GDPD1: variants seen among roughly 807,000 people sequenced by gnomAD.
GDPD1 encodes glycerophosphodiester phosphodiesterase domain containing 1.
In GDPD1, 28 loss-of-function variants were observed where a neutral mutation model predicts 45.1. The observed-to-expected ratio is 0.62, with a 90% CI of 0.46 to 0.85. GDPD1 has a LOEUF of 0.85. Ranked by LOEUF, GDPD1 falls within the 40% of genes least tolerant of loss-of-function variation. The pLI is 0.00. For missense variants in GDPD1, 256 were observed against 364.8 expected (o/e 0.70, Z 2.43); for synonymous variants, 139 against 131.4 (o/e 1.06, Z -0.40).
intron 2 of GDPD1, among the ~76,000 whole-genome samples, chr17:59,238,133 T>A: frequency 6.6e-6 from 1 of 151,524 alleles, no homozygotes; most frequent in Non-Finnish European, 1.5e-5. Flanking sequence ...CTGGGCATGG[T>A]AGCGCATGCC....
At chr17:59,223,811 C>G (rs190868078) in intron 1 of GDPD1, among the ~76,000 whole-genome samples, 1 of 152,154 alleles carries the variant, frequency 6.6e-6, no homozygotes, top group South Asian at 2.1e-4. Context: ...TTCAAGAGGC[C>G]GAGGCAGGAG....
intron 9 of GDPD1, chr17:59,273,039 T>A: frequency 9.1e-7 from 1 of 1,104,440 alleles, no homozygotes; most frequent in Non-Finnish European, 1.2e-6. Flanking sequence ...TCCTCTTATG[T>A]ACAGAATAGC....
chr17:59,230,754 AC>A (rs1380301856), intron 1 of GDPD1, among the ~76,000 whole-genome samples: 3 of 152,178 alleles, frequency 2.0e-5, no homozygotes, highest in African/African-American at 7.2e-5. Context: ...TCTGCTGGTC[AC>A]GAAGCAGCAA....
intron 9 of GDPD1, 73 bp downstream of exon 9, chr17:59,272,909 C>G: frequency 6.2e-7 from 1 of 1,612,052 alleles, no homozygotes; most frequent in Non-Finnish European, 8.5e-7. Flanking sequence ...AGGGCAAGAA[C>G]TTTTAACTGA....
chr17:59,231,324 C>CTT (rs557850341), intron 1 of GDPD1, among the ~76,000 whole-genome samples: 3,305 of 114,360 alleles, frequency 0.029, 262 homozygotes, highest in African/African-American at 0.099. Flanking sequence ...TTCTTTCTTT[C>CTT]TTTTTTTTTT....
chr17:59,270,638 C>T (rs1033309918), intron 7 of GDPD1, among the ~76,000 whole-genome samples: 4 of 152,008 alleles, frequency 2.6e-5, no homozygotes, highest in Non-Finnish European at 5.9e-5. Flanking sequence ...AAAAAAGAAA[C>T]GAGATATGAG....
At chr17:59,225,247 C>A (rs770413715) in intron 1 of GDPD1, among the ~76,000 whole-genome samples, 1 of 151,466 alleles carries the variant, frequency 6.6e-6, no homozygotes, top group Admixed American at 6.6e-5. Flanking sequence ...GGTGCCACCA[C>A]GCCCAGCTAA....
At position 59,267,308 on chromosome 17, in the gene GDPD1, A is replaced by G. The variant is rs2047406419; in HGVS notation, c.710+134A>G. Reference sequence around the variant, plus strand: ...TTCCATGTTCTATTACCTGACCTATATTATGCATTTTTATATAATTAAGAC... The same window carrying G: ...TTCCATGTTCTATTACCTGACCTATGTTATGCATTTTTATATAATTAAGAC... On this transcript the variant is annotated intron_variant, in intron 7 of 9. Transcript: ENST00000284116. 5.5e-6 allele frequency: 4 copies of G among 727,908 alleles called. No individual in the cohort carries two copies. The Admixed American group carries it at 9.0e-5, about 16-fold the overall frequency. 45.1% of individuals were successfully genotyped at this position (727,908 alleles called of 1,614,324 possible). A position where few individuals can be genotyped will look rare whatever the true frequency, so the allele number is the denominator to read the frequency against.
chr17:59,268,373 G>C lies in GDPD1; in HGVS notation c.710+1199G>C, dbSNP rs368737977. On this transcript the variant is annotated intron_variant, in intron 7 of 9. Coordinates refer to ENST00000284116, the MANE Select transcript of GDPD1 (RefSeq NM_182569.4). ...GGGTGGATCACGAGGTCAGGAGATC[G>C]AGACCATCCTGGCTAACACGGTGAA... Among the ~76,000 whole-genome samples, 16 of 151,584 alleles carry C rather than the reference G, an allele frequency of 1.1e-4. 1 individual carries two copies. The South Asian group carries it at 2.3e-3, about 22-fold the overall frequency.
chr17:59,239,210 G>A (rs944269242), intron 2 of GDPD1, among the ~76,000 whole-genome samples: 4 of 152,154 alleles, frequency 2.6e-5, no homozygotes, highest in African/African-American at 9.7e-5. Context: ...TATGAAATGG[G>A]AATAGTGATA....
intron 6 of GDPD1, among the ~76,000 whole-genome samples, chr17:59,264,357 G>A (rs1024176678): frequency 1.3e-5 from 2 of 150,438 alleles, no homozygotes; most frequent in Non-Finnish European, 3.0e-5. Context: ...GCAGTGGCAC[G>A]ATCTCAGCTC....
At chr17:59,239,822 C>G (rs1421846358) in intron 2 of GDPD1, among the ~76,000 whole-genome samples, 2 of 150,878 alleles carry the variant, frequency 1.3e-5, no homozygotes, top group Admixed American at 1.3e-4. Context: ...TAACCTCCCC[C>G]TCTCCAGCTC....
intron 6 of GDPD1, among the ~76,000 whole-genome samples, chr17:59,264,029 C>T (rs537656220): frequency 2.6e-5 from 4 of 151,986 alleles, no homozygotes; most frequent in African/African-American, 4.8e-5. Context: ...GACAGAATGT[C>T]GCTCTGTCAC....
At chr17:59,231,111 G>T (rs1314255115) in intron 1 of GDPD1, among the ~76,000 whole-genome samples, 4 of 152,120 alleles carry the variant, frequency 2.6e-5, no homozygotes, top group African/African-American at 9.7e-5. Context: ...TTTTGTACCA[G>T]CGGCTCGTGC....
chr17:59,256,897 A>G (rs575086533), intron 4 of GDPD1, among the ~76,000 whole-genome samples: 2 of 152,304 alleles, frequency 1.3e-5, no homozygotes, highest in Admixed American at 1.3e-4. Flanking sequence ...GTAGCACATC[A>G]TATTATTAGT....
chr17:59,252,010 A>G (rs1400391922), intron 4 of GDPD1, among the ~76,000 whole-genome samples: 2 of 149,868 alleles, frequency 1.3e-5, no homozygotes, highest in African/African-American at 4.9e-5. Context: ...AAAAAAAAAA[A>G]AGAGAAAAGA....
chr17:59,234,727 A>G lies in GDPD1; in HGVS notation c.185+193A>G, dbSNP rs182177921. 1.5e-3 allele frequency among the ~76,000 whole-genome samples: 235 copies of G among 152,326 alleles called. 1 individual carries two copies. Among genetic ancestry groups the G allele is most frequent in the Non-Finnish European group, 2.7e-3 (186 of 68,032 alleles). On this transcript the variant is annotated intron_variant, in intron 2 of 9. Coordinates refer to ENST00000284116, the MANE Select transcript of GDPD1 (RefSeq NM_182569.4). ...TTACAAAGAGTTTGGCTTCTGTATTACTGAAAAAGCAGATGGGAGTTTAGG... is the reference window on the plus strand; with the variant it reads ...TTACAAAGAGTTTGGCTTCTGTATTGCTGAAAAAGCAGATGGGAGTTTAGG...
chr17:59,246,959 G>T (rs1314850840), intron 3 of GDPD1, among the ~76,000 whole-genome samples: 1 of 151,600 alleles, frequency 6.6e-6, no homozygotes, highest in Admixed American at 6.6e-5. Context: ...GTAGAGACGG[G>T]GTTTCACCAT....
rs192594333 is a variant in GDPD1, at chr17:59,245,143, C to T, written c.186-271C>T. Among the ~76,000 whole-genome samples, 204 of 152,306 alleles carry T rather than the reference C, an allele frequency of 1.3e-3. 1 individual carries two copies. Among genetic ancestry groups the T allele is most frequent in the Non-Finnish European group, 2.0e-3 (134 of 68,020 alleles). ...TTCACAGCAAAGCAGGAATTAATATCAAATCTCTTAACTTCAGATTCAGTA... is the reference window on the plus strand; with the variant it reads ...TTCACAGCAAAGCAGGAATTAATATTAAATCTCTTAACTTCAGATTCAGTA... On this transcript the variant is annotated intron_variant, in intron 2 of 9. Coordinates refer to ENST00000284116, the MANE Select transcript of GDPD1 (RefSeq NM_182569.4).
Sources: gnomAD v4.1 joint callset for allele counts (sites outside exome capture counted in the v4.1 genomes callset) on GRCh38, gnomAD v4.1.1 for gene constraint, MANE v1.5 for transcripts, NCBI Gene and HGNC (gene_info 2026-07-23, HGNC 2026-07-21) for gene names.